SAMD4B: variants seen among roughly 807,000 people sequenced by gnomAD.
SAMD4B encodes the protein protein Smaug homolog 2.
A neutral mutation model predicts 74.5 loss-of-function variants in SAMD4B; 5 were observed. The ratio of observed to expected loss-of-function variants is 0.07; its 90% CI spans 0.04 to 0.14. The LOEUF (loss-of-function observed/expected upper bound fraction) is 0.14, where lower values mean the gene tolerates loss of function less well. Among genes scored for constraint, SAMD4B ranks in the 10% least tolerant of loss-of-function variants. The pLI, the probability that SAMD4B is intolerant of heterozygous loss-of-function variation, is 1.00. For missense variants in SAMD4B, 608 were observed against 921.8 expected (o/e 0.66, Z 4.41); for synonymous variants, 373 against 374.9 (o/e 1.00, Z 0.06).
At chr19:39,389,387 G>T, downstream of SAMD4B, 1 of 1,614,010 alleles carries the variant, frequency 6.2e-7, no homozygotes, top group South Asian at 1.1e-5. This position sits in a 1 kb window ranked among gnomAD's most constrained non-coding sequence, Gnocchi z 5.3. Context: ...CTGGGATCTG[G>T]GGTGGGAAAT....
chr19:39,346,999 CA>C (rs1292092495), intron 1 of SAMD4B, among the ~76,000 whole-genome samples: 5 of 152,132 alleles, frequency 3.3e-5, no homozygotes, highest in African/African-American at 1.2e-4. Context: ...AAAAAAAGCT[CA>C]TATCAGCCAG....
Position 39,369,504 on chromosome 19 carries a change from C to T in SAMD4B, c.197-151C>T, listed in dbSNP as rs1250722688. On this transcript the variant is annotated intron_variant, in intron 3 of 13. Transcript: ENST00000610417. ...GGCAGGGTCAGTGTGTTTGATCTCA[C>T]CTATATGAGGGATAAGTTTGGGAGT... The T allele has an allele frequency of 4.6e-6, 3 of 651,940 alleles. No homozygotes were observed. In the African/African-American group the frequency reaches 5.5e-5, roughly 12 times the overall value. 40.4% of individuals were successfully genotyped at this position (651,940 alleles called of 1,614,324 possible). A position where few individuals can be genotyped will look rare whatever the true frequency, so the allele number is the denominator to read the frequency against.
At position 39,342,423 on chromosome 19, in the gene SAMD4B, G is replaced by A; in HGVS notation, c.-420G>A. The A allele has an allele frequency of 5.8e-6, 1 of 173,770 alleles. No homozygotes were observed. 10.8% of individuals were successfully genotyped at this position (173,770 alleles called of 1,614,324 possible). On this transcript the variant is annotated 5_prime_UTR_variant, in exon 1 of 14. Coordinates refer to ENST00000610417, the MANE Select transcript of SAMD4B (RefSeq NM_001384574.2). Reference sequence around the variant, plus strand: ...GGCGGGGCCAGGGGCGGTGACGCACGGCGCGGTGACGCAGCGCGACGGCGG... The same window carrying A: ...GGCGGGGCCAGGGGCGGTGACGCACAGCGCGGTGACGCAGCGCGACGGCGG...
chr19:39,377,622 C>T lies in SAMD4B; in HGVS notation c.1242C>T (p.Ala414=), dbSNP rs1417004839. 6.2e-7 allele frequency: 1 copy of T among 1,614,096 alleles called. No homozygotes were observed. The highest frequency in any genetic ancestry group is 8.5e-7 in the Non-Finnish European group (1 of 1,179,990). Residue 414 remains alanine, a synonymous_variant, in exon 8 of 14, where the codon GCC becomes GCT. Coordinates refer to ENST00000610417, the MANE Select transcript of SAMD4B (RefSeq NM_001384574.2). ...CCACCCCTACTGCCAAGGATGGGGC[C>T]CCGGGGGAACCACCGCTGCCAGGTG... is the stretch of plus-strand genomic sequence containing the variant. The part of the protein sequence containing the change: ...ATTTPTAKDG[A]PGEPPLPGAE...
In SAMD4B at chr19:39,356,771, C is replaced by T. The variant is rs1481677439; in HGVS notation, c.-123C>T. The T allele has an allele frequency of 3.8e-6, 3 of 793,252 alleles. No homozygotes were observed. The highest frequency in any genetic ancestry group is 5.8e-6 in the Non-Finnish European group (3 of 514,182). 49.1% of individuals were successfully genotyped at this position (793,252 alleles called of 1,614,324 possible). A position where few individuals can be genotyped will look rare whatever the true frequency, so the allele number is the denominator to read the frequency against. On this transcript the variant is annotated 5_prime_UTR_variant, in exon 3 of 14. Coordinates refer to ENST00000610417, the MANE Select transcript of SAMD4B (RefSeq NM_001384574.2). ...TCCCCCAACAACCGTTGCCACCACGCCCAGAAACGTCCTTAAGCCCTGGCC... is the reference window on the plus strand; with the variant it reads ...TCCCCCAACAACCGTTGCCACCACGTCCAGAAACGTCCTTAAGCCCTGGCC...
Position 39,357,064 on chromosome 19 carries a change from G to A in SAMD4B, c.171G>A (p.Leu57=), listed in dbSNP as rs750685959. 1.2e-6 allele frequency: 2 copies of A among 1,611,430 alleles called. No homozygotes were observed. The highest frequency in any genetic ancestry group is 2.7e-5 in the African/African-American group (2 of 74,876). The change falls in exon 3 of 14, where the codon CTG becomes CTA. Residue 57 remains leucine (L), a synonymous_variant. Coordinates refer to ENST00000610417, the MANE Select transcript of SAMD4B (RefSeq NM_001384574.2). ...HSLADCNDIH[L]LESEANSAAI... is the part of the protein sequence containing the mutation. ...TGGCGGACTGCAATGACATCCACCT[G>A]CTGGAGTCGGAGGCCAACAGTGCTG...
chr19:39,375,532 C>G lies in SAMD4B; in HGVS notation c.668-118C>G, dbSNP rs998390218. On this transcript the variant is annotated intron_variant, in intron 4 of 13. Coordinates refer to ENST00000610417, the MANE Select transcript of SAMD4B (RefSeq NM_001384574.2). This position sits in a 1 kb window ranked among gnomAD's most constrained non-coding sequence, Gnocchi z 4.1. ...AGGCAGTTACCCTTGGACCCCAGGT[C>G]CCTTCCTCTTGGCAGGTTATGGGGC... 1.4e-5 allele frequency: 19 copies of G among 1,326,972 alleles called. No homozygotes were observed. The highest frequency in any genetic ancestry group is 4.3e-5 in the Admixed American group (2 of 47,036). The allele number at this position is 1,326,972 out of a possible 1,614,324, so 82.2% of individuals were successfully genotyped here. A position where few individuals can be genotyped will look rare whatever the true frequency, so the allele number is the denominator to read the frequency against.
Position 39,378,679 on chromosome 19 carries a change from G to A in SAMD4B, c.1530+90G>A, listed in dbSNP as rs914181660. On this transcript the variant is annotated intron_variant, in intron 9 of 13. Transcript: ENST00000610417. The surrounding 1 kb of genome is among the most constrained non-coding windows in gnomAD (Gnocchi z 4.4). ...GTCCCAGCACTTCGGCCACCGAGGC[G>A]GGCGGATCATGAGGTCAGGAGATCG... 40 of 1,076,044 alleles carry A rather than the reference G, an allele frequency of 3.7e-5. No individual in the cohort carries two copies. The highest frequency in any genetic ancestry group is 1.4e-4 in the African/African-American group (9 of 64,050). The allele number at this position is 1,076,044 out of a possible 1,614,324, so 66.7% of individuals were successfully genotyped here.
intron 1 of SAMD4B, among the ~76,000 whole-genome samples, chr19:39,353,347 G>A (rs566626805): frequency 3.3e-5 from 5 of 152,224 alleles, no homozygotes; most frequent in Non-Finnish European, 7.4e-5. Flanking sequence ...TAGTGAAGTA[G>A]TACAAAGTTA....
chr19:39,372,448 T>C (rs2077366120), intron 4 of SAMD4B, among the ~76,000 whole-genome samples: 1 of 152,186 alleles, frequency 6.6e-6, no homozygotes, highest in Non-Finnish European at 1.5e-5. Flanking sequence ...TGGGGGGCGT[T>C]GAAGGACAGG....
chr19:39,359,234 C>T (rs2076511874), intron 3 of SAMD4B, among the ~76,000 whole-genome samples: 1 of 152,228 alleles, frequency 6.6e-6, no homozygotes, highest in Non-Finnish European at 1.5e-5. Context: ...CTGTCCCATC[C>T]TGAGCAGGCA....
downstream of SAMD4B, chr19:39,388,367 C>T (rs769451141): frequency 6.2e-6 from 10 of 1,613,884 alleles, no homozygotes; most frequent in Non-Finnish European, 6.8e-6. Flanking sequence ...TAGTAAACCC[C>T]GTCACCCTCT....
At chr19:39,388,580 C>T (rs767423189), downstream of SAMD4B, 15 of 1,613,942 alleles carry the variant, frequency 9.3e-6, no homozygotes, top group Non-Finnish European at 1.1e-5. Context: ...GTGCATAGTC[C>T]ATCTCCTCCT....
chr19:39,375,987 T>TCA lies in SAMD4B; in HGVS notation c.907+98_907+99insCA. On this transcript the variant is annotated intron_variant, in intron 5 of 13. Transcript: ENST00000610417. The surrounding 1 kb of genome is among the most constrained non-coding windows in gnomAD (Gnocchi z 4.1). The stretch of plus-strand genomic sequence containing the variant: ...TGTAGCTGACACCTGCTTACCCCTC[T>TCA]GAGGAGGGGACATGTCTGAGGGGAG... The TCA allele has an allele frequency of 6.8e-7, 1 of 1,460,208 alleles. No homozygotes were observed. The highest frequency in any genetic ancestry group is 1.3e-5 in the South Asian group (1 of 78,328). 90.5% of individuals were successfully genotyped at this position (1,460,208 alleles called of 1,614,324 possible).
Position 39,369,988 on chromosome 19 carries a change from G to C in SAMD4B, c.530G>C (p.Gly177Ala). 1.2e-6 allele frequency: 2 copies of C among 1,613,220 alleles called. No individual in the cohort carries two copies. The highest frequency in any genetic ancestry group is 1.1e-5 in the South Asian group (1 of 90,900). Residue 177 changes from glycine (G) to alanine (A), a missense_variant, in exon 4 of 14, where the codon GGC becomes GCC. This residue lies in a region of SAMD4B where 153 missense variants were observed against 153.0 expected (regional missense o/e 1.00). Transcript: ENST00000610417. Reference protein sequence around the residue: ...HSRQGSDEWGGPAELGPGEAG... With the variant: ...HSRQGSDEWGAPAELGPGEAG... ...CGTCAAGGCTCAGATGAGTGGGGGG[G>C]CCCTGCAGAGCTAGGCCCTGGGGAG...
chr19:39,390,101 G>A, downstream of SAMD4B: 1 of 1,613,934 alleles, frequency 6.2e-7, no homozygotes, highest in Non-Finnish European at 8.5e-7. Context: ...TGATGAACTT[G>A]GGGTCGAAGG....
chr19:39,376,923 T>A, intron 7 of SAMD4B, 132 bp downstream of exon 7: 1 of 678,582 alleles, frequency 1.5e-6, no homozygotes. Flanking sequence ...GACCCAGACT[T>A]CAGGGACCAC....
chr19:39,370,208 G>A (rs956328100), intron 4 of SAMD4B, 83 bp downstream of exon 4: 61 of 1,329,084 alleles, frequency 4.6e-5, no homozygotes, highest in Middle Eastern at 2.5e-4. Flanking sequence ...TCGCTCTGTG[G>A]CATTAGACAA....
At chr19:39,352,230 C>T (rs1404731354) in intron 1 of SAMD4B, 16 of 152,138 alleles carry the variant, frequency 1.1e-4, no homozygotes, top group Admixed American at 1.0e-3. Context: ...CAGAATCATC[C>T]TCCATCACTA....
Sources: allele counts gnomAD v4.1 joint callset (sites outside exome capture counted in the v4.1 genomes callset), GRCh38; gene constraint gnomAD v4.1.1; regional missense constraint gnomAD v4.1.1; non-coding constraint Gnocchi (gnomAD v3.1); transcripts MANE v1.5; gene names NCBI Gene and HGNC (gene_info 2026-07-23, HGNC 2026-07-21).